Variants in SSBP2 observed in about 807,000 individuals in gnomAD.
SSBP2 encodes single-stranded DNA-binding protein 2.
A neutral mutation model predicts 61.8 loss-of-function variants in SSBP2; 17 were observed. The observed-to-expected ratio is 0.28, with a 90% confidence interval of 0.19 to 0.41. SSBP2 has a LOEUF of 0.41. Among genes scored for constraint, SSBP2 ranks in the 10% least tolerant of loss-of-function variants. The pLI, the probability that SSBP2 is intolerant of heterozygous loss-of-function variation, is 1.00. For missense variants in SSBP2, 310 were observed against 458.7 expected (o/e 0.68, Z 2.96); for synonymous variants, 139 against 141.3 (o/e 0.98, Z 0.12).
intron 4 of SSBP2, among the ~76,000 whole-genome samples, chr5:81,540,674 G>T (rs1771195965): frequency 6.6e-6 from 1 of 151,986 alleles, no homozygotes; most frequent in Non-Finnish European, 1.5e-5. Flanking sequence ...TAATGCTATT[G>T]CATGTTTAAT....
chr5:81,678,273 G>A (rs1561682859), intron 1 of SSBP2, among the ~76,000 whole-genome samples: 1 of 152,160 alleles, frequency 6.6e-6, no homozygotes, highest in East Asian at 1.9e-4. Flanking sequence ...AATGCGGAAT[G>A]TCTTTGATGG....
chr5:81,545,151 AT>A (rs1306304196), intron 4 of SSBP2, among the ~76,000 whole-genome samples: 2 of 152,150 alleles, frequency 1.3e-5, no homozygotes, highest in Admixed American at 1.3e-4. Context: ...TAAAACACAT[AT>A]TTTTTTAGTA....
chr5:81,576,848 A>T (rs1194268842), intron 4 of SSBP2, among the ~76,000 whole-genome samples: 4 of 152,112 alleles, frequency 2.6e-5, no homozygotes, highest in African/African-American at 9.6e-5. Flanking sequence ...TTTTAAAAGT[A>T]CAGCAGTCTA....
intron 1 of SSBP2, among the ~76,000 whole-genome samples, chr5:81,698,210 G>T (rs527565747): frequency 5.1e-4 from 78 of 152,234 alleles, no homozygotes; most frequent in Non-Finnish European, 1.0e-3. Context: ...ATAATTTTAA[G>T]ATTTTTTTGG....
chr5:81,429,401 G>T (rs886668509), intron 15 of SSBP2, among the ~76,000 whole-genome samples: 1 of 152,086 alleles, frequency 6.6e-6, no homozygotes, highest in East Asian at 1.9e-4. Context: ...GCAGTGCGTT[G>T]CTTCATATTC....
At chr5:81,521,671 T>C (rs1286809809) in intron 4 of SSBP2, among the ~76,000 whole-genome samples, 1 of 152,052 alleles carries the variant, frequency 6.6e-6, no homozygotes, top group Admixed American at 6.6e-5. Flanking sequence ...ATGTTTCAAT[T>C]CTATATCTAG....
At chr5:81,714,498 T>C (rs1276989114) in intron 1 of SSBP2, among the ~76,000 whole-genome samples, 2 of 152,226 alleles carry the variant, frequency 1.3e-5, no homozygotes, top group Non-Finnish European at 1.5e-5. Flanking sequence ...TCCACAATGG[T>C]TGAACTAATT....
rs77920103 is a variant in SSBP2 at position 81,604,669 on chromosome 5, G to A, written c.282+10804C>T. Among the ~76,000 whole-genome samples the A allele has an allele frequency of 6.1e-3, 928 of 152,198 alleles. 6 individuals are homozygous for A. The highest frequency in any genetic ancestry group is 0.021 in the African/African-American group (866 of 41,554). ...TTTAAACTGTATAAACTAATTATCT[G>A]TCAAATATAAACATGATGCATTAGC... On this transcript the variant is annotated intron_variant, in intron 4 of 16. Coordinates refer to ENST00000320672, the MANE Select transcript of SSBP2 (RefSeq NM_012446.5).
chr5:81,459,994 TATTAAA>T (rs1201212254), intron 10 of SSBP2, among the ~76,000 whole-genome samples: 3 of 152,204 alleles, frequency 2.0e-5, no homozygotes, highest in African/African-American at 7.2e-5. Context: ...ACATCGTAGC[TATTAAA>T]ATTAAGAGAA....
chr5:81,646,964 A>G (rs1013112349), intron 2 of SSBP2, among the ~76,000 whole-genome samples: 2 of 152,046 alleles, frequency 1.3e-5, no homozygotes, highest in African/African-American at 2.4e-5. Context: ...CCAAGCAGCT[A>G]GATACTGTAG....
At chr5:81,473,456 TG>T (rs1199004935) in intron 8 of SSBP2, among the ~76,000 whole-genome samples, 1 of 152,126 alleles carries the variant, frequency 6.6e-6, no homozygotes, top group Non-Finnish European at 1.5e-5. Context: ...CCCCTCCCTG[TG>T]TTCATAAATT....
chr5:81,737,168 T>C (rs1053557599), intron 1 of SSBP2, among the ~76,000 whole-genome samples: 5 of 152,028 alleles, frequency 3.3e-5, no homozygotes, highest in African/African-American at 1.2e-4. Flanking sequence ...ACCATTATTG[T>C]CATCCTTTAA....
chr5:81,658,838 T>A (rs1289757072), intron 1 of SSBP2, among the ~76,000 whole-genome samples: 1 of 152,200 alleles, frequency 6.6e-6, no homozygotes, highest in East Asian at 1.9e-4. Context: ...CTTGGCTTCA[T>A]CACTGTTATG....
intron 4 of SSBP2, among the ~76,000 whole-genome samples, chr5:81,600,707 AAGG>A (rs1350353732): frequency 2.0e-5 from 3 of 152,172 alleles, no homozygotes; most frequent in African/African-American, 7.2e-5. Flanking sequence ...GAAAAAAAGG[AAGG>A]AGAAGCCAGA....
chr5:81,702,382 CA>C (rs1233048931), intron 1 of SSBP2, among the ~76,000 whole-genome samples: 2 of 152,018 alleles, frequency 1.3e-5, no homozygotes, highest in African/African-American at 4.8e-5. Flanking sequence ...AAAAAACAAA[CA>C]AACAAACAAA....
intron 4 of SSBP2, among the ~76,000 whole-genome samples, chr5:81,589,721 A>G (rs1282881325): frequency 2.0e-5 from 3 of 152,210 alleles, no homozygotes. Flanking sequence ...CGCCAGAGAC[A>G]GTATTTTATA....
At chr5:81,662,619 T>C (rs1750789697) in intron 1 of SSBP2, among the ~76,000 whole-genome samples, 1 of 151,988 alleles carries the variant, frequency 6.6e-6, no homozygotes, top group Non-Finnish European at 1.5e-5. Flanking sequence ...CTGGCCAAGA[T>C]GGTGAAACCC....
chr5:81,524,556 G>A (rs1355134158), intron 4 of SSBP2, among the ~76,000 whole-genome samples: 2 of 151,998 alleles, frequency 1.3e-5, no homozygotes, highest in Non-Finnish European at 2.9e-5. Context: ...TTTTCATGAG[G>A]TATCTAGAAA....
intron 3 of SSBP2, among the ~76,000 whole-genome samples, chr5:81,616,902 G>C (rs1474841161): frequency 1.3e-5 from 2 of 151,266 alleles, no homozygotes; most frequent in Non-Finnish European, 2.9e-5. Flanking sequence ...CTGTCTGTTA[G>C]AAGGAAAACT....
Sources: gnomAD v4.1 joint callset for allele counts (sites outside exome capture counted in the v4.1 genomes callset) on GRCh38, gnomAD v4.1.1 for gene constraint, MANE v1.5 for transcripts, NCBI Gene and HGNC (gene_info 2026-07-23, HGNC 2026-07-21) for gene names.